CREB5: variants seen among roughly 807,000 people sequenced by gnomAD.
The protein encoded by CREB5 is cyclic AMP-responsive element-binding protein 5.
In CREB5, 19 loss-of-function variants were observed where a neutral mutation model predicts 57.1. The ratio of observed to expected loss-of-function variants is 0.33; its 90% confidence interval spans 0.23 to 0.49. CREB5 has a LOEUF of 0.49. Ranked by LOEUF, CREB5 falls within the 20% of genes least tolerant of loss-of-function variation. The pLI, the probability that CREB5 is intolerant of heterozygous loss-of-function variation, is 0.99. For missense variants in CREB5, 579 were observed against 671.6 expected, an observed-to-expected ratio of 0.86 and a Z score of 1.52; for synonymous variants, 238 against 238.3, an observed-to-expected ratio of 1.00 and a Z score of 0.01.
intron 1 of CREB5, among the ~76,000 whole-genome samples, chr7:28,357,116 C>G (rs1309640775): frequency 6.6e-6 from 1 of 152,128 alleles, no homozygotes; most frequent in Admixed American, 6.5e-5. Flanking sequence ...TGGTGTGGGT[C>G]AAGAAACAAA....
In CREB5 at chr7:28,501,422, TC is replaced by T. The variant is rs576225028; in HGVS notation, c.170-6192del. 1.8e-3 allele frequency among the ~76,000 whole-genome samples: 277 copies of T among 152,336 alleles called. 2 individuals carry two copies. The highest frequency in any genetic ancestry group is 6.2e-3 in the African/African-American group (257 of 41,570). On this transcript the variant is annotated intron_variant, in intron 3 of 10. Coordinates refer to ENST00000357727, the MANE Select transcript of CREB5 (RefSeq NM_182898.4). Reference sequence around the variant, plus strand: ...ATTTATAGGAGTTGTCCGTTTCTCGTCCGTATTCTTAGCTGGTCAAGCAAAA... The same window carrying T: ...ATTTATAGGAGTTGTCCGTTTCTCGTCGTATTCTTAGCTGGTCAAGCAAAA...
Position 28,320,161 on chromosome 7 carries a change from C to T in CREB5, c.-25+20720C>T, listed in dbSNP as rs191193637. Among the ~76,000 whole-genome samples, 17 of 152,112 alleles carry T rather than the reference C, an allele frequency of 1.1e-4. 1 individual carries two copies. In the East Asian group the frequency reaches 2.7e-3, roughly 24 times the overall value. ...GTCCAGGCTGGTCTCGAACACCTGA[C>T]CTCAAGTGGTCTGCTTGCCTCGGCC... On this transcript the variant is annotated intron_variant, in intron 1 of 9. Coordinates refer to the CREB5 transcript ENST00000396299.
At chr7:28,350,873 A>C (rs1441869609) in intron 1 of CREB5, among the ~76,000 whole-genome samples, 1 of 152,174 alleles carries the variant, frequency 6.6e-6, no homozygotes, top group Non-Finnish European at 1.5e-5. Flanking sequence ...AGTCAGCCTT[A>C]TCTCTGCTTT....
Position 28,567,624 on chromosome 7 carries a change from C to G in CREB5, c.292-2741C>G, listed in dbSNP as rs75926862. Among the ~76,000 whole-genome samples, 60 of 152,282 alleles carry G rather than the reference C, an allele frequency of 3.9e-4. No individual in the cohort carries two copies. The East Asian group carries it at 0.012, about 29-fold the overall frequency. ...TACTGTAAAGGAAAAGGAGATGGTG[C>G]CCATCACTTCGGTGAGTGTGGGCAG... On this transcript the variant is annotated intron_variant, in intron 4 of 10. Transcript: ENST00000357727.
rs534856710 is a variant in CREB5, at chr7:28,385,546, C to T, written c.-25+86105C>T. 1.1e-4 allele frequency among the ~76,000 whole-genome samples: 17 copies of T among 151,736 alleles called. No homozygotes were observed. In the East Asian group the frequency reaches 2.7e-3, roughly 24 times the overall value. On this transcript the variant is annotated intron_variant, in intron 1 of 9. Transcript: ENST00000396299. ...AAAAAATTACCTGGGTGTGGTGGTGCGTGCCTGTAGTCCCAGCTACTTGGG... is the reference window on the plus strand; with the variant it reads ...AAAAAATTACCTGGGTGTGGTGGTGTGTGCCTGTAGTCCCAGCTACTTGGG...
intron 1 of CREB5, among the ~76,000 whole-genome samples, chr7:28,474,511 A>G (rs1790977662): frequency 6.6e-6 from 1 of 152,046 alleles, no homozygotes. Flanking sequence ...GAAAGGAGAC[A>G]CTAGTTAACT....
At chr7:28,449,761 A>G (rs1307763310) in intron 1 of CREB5, among the ~76,000 whole-genome samples, 1 of 152,220 alleles carries the variant, frequency 6.6e-6, no homozygotes, top group African/African-American at 2.4e-5. Flanking sequence ...GAATATTCCT[A>G]ACGTCAATGT....
intron 5 of CREB5, among the ~76,000 whole-genome samples, chr7:28,627,045 T>G (rs1208482718): frequency 6.6e-6 from 1 of 152,204 alleles, no homozygotes; most frequent in Non-Finnish European, 1.5e-5. Flanking sequence ...ATTTCTAATT[T>G]CCTAAAATTT....
intron 5 of CREB5, chr7:28,686,264 G>A: frequency 8.1e-7 from 1 of 1,233,182 alleles, no homozygotes; most frequent in Non-Finnish European, 1.2e-6. Context: ...ACTGCCTTCT[G>A]TTTTTGAGCC....
intron 1 of CREB5, among the ~76,000 whole-genome samples, chr7:28,343,128 G>T (rs186384510): frequency 3.3e-5 from 5 of 152,136 alleles, no homozygotes; most frequent in Admixed American, 1.3e-4. Context: ...TTTTAGTAGA[G>T]ACAGGATTTC....
At chr7:28,654,768 A>G (rs544240538) in intron 5 of CREB5, among the ~76,000 whole-genome samples, 1 of 152,354 alleles carries the variant, frequency 6.6e-6, no homozygotes, top group South Asian at 2.1e-4. Context: ...CCCTGATGAA[A>G]AATGAGAGGT....
upstream of CREB5, chr7:28,410,258 C>T: frequency 4.4e-6 from 2 of 455,516 alleles, no homozygotes; most frequent in South Asian, 3.1e-5. Flanking sequence ...CAGTCCACTC[C>T]TCCGGCCGCC....
At chr7:28,560,801 T>TGC (rs1795059098) in intron 4 of CREB5, among the ~76,000 whole-genome samples, 1 of 58,588 alleles carries the variant, frequency 1.7e-5, no homozygotes, top group Non-Finnish European at 3.8e-5. Context: ...TTCCACAGTG[T>TGC]GTGTGCGCGT....
At chr7:28,396,093 C>CT (rs1787328947) in intron 1 of CREB5, among the ~76,000 whole-genome samples, 1 of 152,180 alleles carries the variant, frequency 6.6e-6, no homozygotes, top group Admixed American at 6.5e-5. Context: ...AGCATGACGA[C>CT]TGAGATTTTT....
In CREB5 at chr7:28,435,570, T is replaced by C. The variant is rs777510562; in HGVS notation, c.3+22653T>C. ...TTAAGTGTCAGCTGCATCATCTTCATCAGGAGAAACATTTCAAACATTTAT... is the reference window on the plus strand; with the variant it reads ...TTAAGTGTCAGCTGCATCATCTTCACCAGGAGAAACATTTCAAACATTTAT... On this transcript the variant is annotated intron_variant, in intron 1 of 10. Coordinates refer to ENST00000357727, the MANE Select transcript of CREB5 (RefSeq NM_182898.4). 8 of 930,596 alleles carry C rather than the reference T, an allele frequency of 8.6e-6. No homozygotes were observed. The South Asian group carries it at 4.0e-4, about 46-fold the overall frequency. 57.6% of individuals were successfully genotyped at this position (930,596 alleles called of 1,614,324 possible).
intron 1 of CREB5, among the ~76,000 whole-genome samples, chr7:28,382,744 C>A (rs1465513138): frequency 2.6e-5 from 4 of 151,614 alleles, no homozygotes; most frequent in Non-Finnish European, 5.9e-5. Flanking sequence ...TTCTCAACAC[C>A]CCCCTCACCC....
chr7:28,617,149 A>G (rs1473960293), intron 5 of CREB5, among the ~76,000 whole-genome samples: 3 of 152,246 alleles, frequency 2.0e-5, no homozygotes, highest in East Asian at 3.8e-4. Flanking sequence ...TCTGTTTGCT[A>G]TGCAGAGCCA....
At chr7:28,501,424 C>T (rs1020543117) in intron 3 of CREB5, among the ~76,000 whole-genome samples, 6 of 151,564 alleles carry the variant, frequency 4.0e-5, no homozygotes, top group Non-Finnish European at 7.4e-5. Flanking sequence ...GTTTCTCGTC[C>T]GTATTCTTAG....
chr7:28,375,345 G>T (rs899329346), intron 1 of CREB5, among the ~76,000 whole-genome samples: 2 of 152,264 alleles, frequency 1.3e-5, no homozygotes, highest in South Asian at 4.1e-4. Flanking sequence ...AGAGTAGAAG[G>T]ATGGTTACCA....
Sources: allele counts gnomAD v4.1 joint callset (sites outside exome capture counted in the v4.1 genomes callset), GRCh38; gene constraint gnomAD v4.1.1; transcripts MANE v1.5; gene names NCBI Gene and HGNC (gene_info 2026-07-23, HGNC 2026-07-21).